DNAH17: variants seen among roughly 807,000 people sequenced by gnomAD.
DNAH17 encodes the protein dynein axonemal heavy chain 17.
Under a neutral mutation model 485.6 loss-of-function variants are expected in DNAH17, and 376 were observed. The observed-to-expected ratio is 0.77, with a 90% confidence interval of 0.71 to 0.84. The LOEUF is 0.84. Among genes scored for constraint, DNAH17 ranks in the 40% least tolerant of loss-of-function variants. DNAH17 has a pLI of 0.00. For synonymous variants in DNAH17, 3,031 were observed against 2,405.9 expected (o/e 1.26, Z -7.60); for missense variants, 6,370 against 5,839.3 (o/e 1.09, Z -2.96).
At chr17:78,481,531 G>A (rs987720137) in intron 48 of DNAH17, among the ~76,000 whole-genome samples, 2 of 152,170 alleles carry the variant, frequency 1.3e-5, no homozygotes, top group Admixed American at 6.5e-5. Context: ...CCTAAGCAGT[G>A]CTGGGGCTCT....
At chr17:78,470,294 C>T (rs1386591947) in intron 54 of DNAH17, among the ~76,000 whole-genome samples, 11 of 150,672 alleles carry the variant, frequency 7.3e-5, no homozygotes, top group Admixed American at 2.6e-4. Flanking sequence ...TCTTGAACTC[C>T]GGACCTCAAG....
At chr17:78,452,917 G>GGGGT (rs1426388834) in intron 65 of DNAH17, among the ~76,000 whole-genome samples, 1 of 152,160 alleles carries the variant, frequency 6.6e-6, no homozygotes, top group African/African-American at 2.4e-5. Flanking sequence ...GCTTCCTTTC[G>GGGGT]GGGTGGTGAA....
intron 14 of DNAH17, among the ~76,000 whole-genome samples, chr17:78,557,240 A>C (rs910188599): frequency 3.9e-5 from 6 of 152,160 alleles, no homozygotes; most frequent in African/African-American, 1.4e-4. Context: ...AGTCCTCCCC[A>C]CATTAACAGA....
chr17:78,514,560 T>C (rs1315113948), intron 26 of DNAH17, among the ~76,000 whole-genome samples: 1 of 150,200 alleles, frequency 6.7e-6, no homozygotes, highest in Non-Finnish European at 1.5e-5. Context: ...GATGGTGAAG[T>C]TGAGATGGTA....
chr17:78,575,181 A>G, intron 1 of DNAH17, 99 bp from the exon 2 acceptor site: 4 of 866,508 alleles, frequency 4.6e-6, no homozygotes, highest in Non-Finnish European at 7.0e-6. Flanking sequence ...CTACCGGAGC[A>G]GGAACAAAAC....
At chr17:78,431,128 C>G (rs1203769040) in intron 75 of DNAH17, among the ~76,000 whole-genome samples, 2 of 152,236 alleles carry the variant, frequency 1.3e-5, no homozygotes, top group East Asian at 3.8e-4. Context: ...GTCCTCCTGC[C>G]TCGGCCTCCC....
chr17:78,432,396 GC>G, intron 75 of DNAH17, among the ~76,000 whole-genome samples: 1 of 200 alleles, frequency 5.0e-3, no homozygotes, highest in Non-Finnish European at 0.022. Flanking sequence ...CCGGCAGACA[GC>G]AGAGGCTGCC....
chr17:78,506,617 C>A, intron 30 of DNAH17, 103 bp downstream of exon 30: 7 of 1,541,234 alleles, frequency 4.5e-6, no homozygotes, highest in Non-Finnish European at 6.2e-6. Flanking sequence ...TGGGGCACGT[C>A]CAAGGACACT....
Position 78,468,709 on chromosome 17 carries a change from A to G in DNAH17, c.8686T>C (p.Ser2896Pro), listed in dbSNP as rs766439323. 6.2e-7 allele frequency: 1 copy of G among 1,613,882 alleles called. No homozygotes were observed. The highest frequency in any genetic ancestry group is 1.3e-5 in the African/African-American group (1 of 74,914). The change falls in exon 55 of 81, where the codon TCC becomes CCC. Residue 2896 changes from serine (S) to proline (P), a missense_variant. Transcript: ENST00000389840. The part of the protein sequence containing the change: ...MEDEVENIIS[S>P]MRPQVKSLGM... ...AGGGACTTGACTTGGGGTCGCATGG[A>G]GGAGATGATGTTCTCCACCTCGTCC...
chr17:78,474,987 G>GGCATGCGGGCCGGAAGGTTTCACACC (rs1285057732), intron 54 of DNAH17, among the ~76,000 whole-genome samples: 1 of 116,422 alleles, frequency 8.6e-6, no homozygotes, highest in South Asian at 2.8e-4. Flanking sequence ...GGTTTCACAC[G>GGCATGCGGGCCGGAAGGTTTCACACC]CTTCACCTCA....
intron 74 of DNAH17, among the ~76,000 whole-genome samples, chr17:78,437,084 G>A (rs1173901927): frequency 4.6e-5 from 7 of 152,220 alleles, no homozygotes; most frequent in Admixed American, 1.3e-4. Flanking sequence ...TAGCAGAGGA[G>A]GACCGGGCTC....
chr17:78,541,494 G>A (rs531769403), intron 17 of DNAH17, among the ~76,000 whole-genome samples: 1 of 151,910 alleles, frequency 6.6e-6, no homozygotes, highest in African/African-American at 2.4e-5. Flanking sequence ...CCTCAGGCAG[G>A]TCTATTCTAA....
chr17:78,556,119 G>C (rs770316115), intron 14 of DNAH17, among the ~76,000 whole-genome samples: 2 of 152,048 alleles, frequency 1.3e-5, no homozygotes, highest in Non-Finnish European at 2.9e-5. Flanking sequence ...CCATCCATCT[G>C]TATCTATCCC....
chr17:78,459,190 C>G lies in DNAH17; in HGVS notation c.9672G>C (p.Pro3224=). 1 of 1,613,878 alleles carries G rather than the reference C, an allele frequency of 6.2e-7. No homozygotes were observed. The highest frequency in any genetic ancestry group is 8.5e-7 in the Non-Finnish European group (1 of 1,179,894). The change falls in exon 61 of 81, where the codon CCG becomes CCC. Residue 3224 remains proline (P), a synonymous_variant. Coordinates refer to ENST00000389840, the MANE Select transcript of DNAH17 (RefSeq NM_173628.4). Reference sequence around the variant, plus strand: ...AGCGGATGAACTCGGGGTCGAACGTCGGGTTGCCTTGGTAGGGCCTAGCGA... The same window carrying G: ...AGCGGATGAACTCGGGGTCGAACGTGGGGTTGCCTTGGTAGGGCCTAGCGA... The part of the protein sequence containing the change: ...LKAFKPYQGN[P]TFDPEFIRSK...
chr17:78,458,445 A>G, intron 62 of DNAH17, 120 bp downstream of exon 62: 1 of 798,994 alleles, frequency 1.3e-6, no homozygotes, highest in Middle Eastern at 3.6e-4. Flanking sequence ...CAAGAAGTGA[A>G]AGTGGCAACC....
chr17:78,446,982 C>G (rs1048424666), intron 69 of DNAH17, among the ~76,000 whole-genome samples: 1 of 151,732 alleles, frequency 6.6e-6, no homozygotes, highest in East Asian at 1.9e-4. Flanking sequence ...TCTGTTGCCC[C>G]GGCTGGAGTG....
At chr17:78,426,632 C>T (rs1286350867) in intron 78 of DNAH17, 32 bp from the exon 79 acceptor site, 2 of 1,570,248 alleles carry the variant, frequency 1.3e-6, no homozygotes, top group Non-Finnish European at 1.7e-6. Flanking sequence ...GTGGGGAGCC[C>T]TGAGCTGGGG....
At chr17:78,552,015 T>G (rs2091913374) in intron 15 of DNAH17, among the ~76,000 whole-genome samples, 1 of 151,786 alleles carries the variant, frequency 6.6e-6, no homozygotes, top group Non-Finnish European at 1.5e-5. Context: ...TGGGTTGGCT[T>G]AACACTCATC....
In DNAH17 at chr17:78,476,672, A is replaced by T; in HGVS notation, c.8054T>A (p.Leu2685Gln). ...KTPLDLVRLWLHETERVYGDK... is the reference protein window; with the variant it reads ...KTPLDLVRLWQHETERVYGDK... Reference sequence around the variant, plus strand: ...ACCATACACTCGTTCAGTCTCATGTAGCCAAAGGCGGACGAGGTCCAGTGG... The same window carrying T: ...ACCATACACTCGTTCAGTCTCATGTTGCCAAAGGCGGACGAGGTCCAGTGG... The change falls in exon 52 of 81, where the codon CTA becomes CAA. Residue 2685 changes from leucine (L) to glutamine (Q), a missense_variant. Physicochemically the swap from Leu to Gln is moderately radical, Grantham distance 113 (BLOSUM62 -2). Transcript: ENST00000389840. 1 of 1,613,196 alleles carries T rather than the reference A, an allele frequency of 6.2e-7. No individual in the cohort carries two copies. Among genetic ancestry groups the T allele is most frequent in the East Asian group, 2.2e-5 (1 of 44,872 alleles).
Sources: allele counts gnomAD v4.1 joint callset (sites outside exome capture counted in the v4.1 genomes callset), GRCh38; gene constraint gnomAD v4.1.1; transcripts MANE v1.5; gene names NCBI Gene and HGNC (gene_info 2026-07-23, HGNC 2026-07-21).